Variants in YTHDC2 observed in about 807,000 individuals in gnomAD.
YTHDC2 encodes 3'-5' RNA helicase YTHDC2.
A neutral mutation model predicts 174.9 loss-of-function variants in YTHDC2; 45 were observed. That is an observed-to-expected ratio of 0.26 (90% confidence interval 0.20 to 0.33). The LOEUF is 0.33. Ranked by LOEUF, YTHDC2 falls within the 10% of genes least tolerant of loss-of-function variation. YTHDC2 has a pLI of 1.00. For synonymous variants in YTHDC2, 657 were observed against 574.5 expected (o/e 1.14, Z -2.05); for missense variants, 1,650 against 1,723.7 (o/e 0.96, Z 0.76).
chr5:113,538,729 G>A (rs934748190), intron 7 of YTHDC2, among the ~76,000 whole-genome samples: 1 of 151,972 alleles, frequency 6.6e-6, no homozygotes, highest in Non-Finnish European at 1.5e-5. Context: ...TCATATTCTG[G>A]ATTTTTGGAT....
intron 27 of YTHDC2, 119 bp downstream of exon 27, chr5:113,591,363 C>T (rs2112827304): frequency 2.0e-6 from 2 of 1,016,084 alleles, no homozygotes; most frequent in South Asian, 1.5e-5. Flanking sequence ...TTTTGCTTGA[C>T]TGAGAATAAG....
At position 113,594,123 on chromosome 5, in the gene YTHDC2, C is replaced by T. The variant is rs1450418435; in HGVS notation, c.*649C>T. 1 of 152,132 alleles carries T rather than the reference C, an allele frequency of 6.6e-6. No homozygotes were observed. Among genetic ancestry groups the T allele is most frequent in the African/African-American group, 2.4e-5 (1 of 41,426 alleles). The allele number at this position is 152,132 out of a possible 1,614,324, so 9.4% of individuals were successfully genotyped here. On this transcript the variant is annotated 3_prime_UTR_variant, in exon 30 of 30. Coordinates refer to ENST00000161863, the MANE Select transcript of YTHDC2 (RefSeq NM_022828.5). Reference sequence around the variant, plus strand: ...TCTGAATAAAGGGCAAAGTTTCTTCCTGATCAGATTAGATTAAGTGCTTAG... The same window carrying T: ...TCTGAATAAAGGGCAAAGTTTCTTCTTGATCAGATTAGATTAAGTGCTTAG...
At chr5:113,589,315 G>T (rs546714893) in intron 26 of YTHDC2, among the ~76,000 whole-genome samples, 3 of 147,080 alleles carry the variant, frequency 2.0e-5, no homozygotes, top group Non-Finnish European at 4.5e-5. Context: ...TTTATTTAGT[G>T]TCTAATCTGC....
Position 113,522,619 on chromosome 5 carries a change from T to C in YTHDC2, c.279-2362T>C, listed in dbSNP as rs1465434663. Among the ~76,000 whole-genome samples, 4 of 152,302 alleles carry C rather than the reference T, an allele frequency of 2.6e-5. No individual in the cohort carries two copies. The East Asian group carries it at 7.7e-4, about 29-fold the overall frequency. On this transcript the variant is annotated intron_variant, in intron 2 of 29. Coordinates refer to ENST00000161863, the MANE Select transcript of YTHDC2 (RefSeq NM_022828.5). ...GTTAATTTTGCTTTGTATAAAAGAT[T>C]CCTGTGTTTATCATCAAACCATAGT...
At chr5:113,543,630 C>A (rs1249902786) in intron 10 of YTHDC2, among the ~76,000 whole-genome samples, 1 of 152,212 alleles carries the variant, frequency 6.6e-6, no homozygotes, top group Admixed American at 6.5e-5. Flanking sequence ...ATTCCACTTG[C>A]TTGTTCTCAA....
At chr5:113,528,102 A>T (rs112360182) in intron 4 of YTHDC2, among the ~76,000 whole-genome samples, 1 of 152,174 alleles carries the variant, frequency 6.6e-6, no homozygotes, top group Admixed American at 6.6e-5. Context: ...TATAGAATAG[A>T]GATTATGGAA....
At chr5:113,558,969 C>G (rs1351588872) in intron 17 of YTHDC2, among the ~76,000 whole-genome samples, 1 of 150,586 alleles carries the variant, frequency 6.6e-6, no homozygotes. Context: ...TAAGAAGTTT[C>G]TCAAGTATAG....
chr5:113,553,806 C>A lies in YTHDC2; in HGVS notation c.2004C>A (p.Ser668=). The A allele has an allele frequency of 6.2e-7, 1 of 1,612,208 alleles. No individual in the cohort carries two copies. The highest frequency in any genetic ancestry group is 8.5e-7 in the Non-Finnish European group (1 of 1,179,294). The part of the protein sequence containing the change: ...VFMLHSNMQT[S]DQKKVLKNPP... Reference sequence around the variant, plus strand: ...TGCTTCATTCAAATATGCAAACATCCGATCAAAAGAAAGTATTAAAAAACC... The same window carrying A: ...TGCTTCATTCAAATATGCAAACATCAGATCAAAAGAAAGTATTAAAAAACC... Residue 668 remains serine, a synonymous_variant, in exon 15 of 30, where the codon TCC becomes TCA. Transcript: ENST00000161863.
intron 4 of YTHDC2, 40 bp downstream of exon 4, chr5:113,526,825 AAATATATAT>A: frequency 8.5e-6 from 2 of 234,284 alleles, no homozygotes; most frequent in Non-Finnish European, 1.3e-5. Context: ...AAAAAAAAAA[AAATATATAT>A]ATATATATAT....
chr5:113,546,684 T>C (rs557430336), intron 10 of YTHDC2, among the ~76,000 whole-genome samples: 1 of 152,338 alleles, frequency 6.6e-6, no homozygotes, highest in South Asian at 2.1e-4. Context: ...ATCTCCATAG[T>C]TTCTGAGAGT....
intron 2 of YTHDC2, among the ~76,000 whole-genome samples, chr5:113,521,390 A>C (rs1773848268): frequency 6.6e-6 from 1 of 152,208 alleles, no homozygotes. Context: ...GTTAGAACAG[A>C]AATATTGGAT....
intron 23 of YTHDC2, among the ~76,000 whole-genome samples, chr5:113,578,872 G>T (rs962966940): frequency 1.3e-5 from 2 of 151,952 alleles, no homozygotes; most frequent in Non-Finnish European, 2.9e-5. Flanking sequence ...TAATTTTCGT[G>T]TAGAAAATAA....
chr5:113,540,808 A>G (rs566791804), intron 8 of YTHDC2, among the ~76,000 whole-genome samples, 160 bp from the exon 9 acceptor site: 32 of 152,362 alleles, frequency 2.1e-4, no homozygotes, highest in Middle Eastern at 3.4e-3. Flanking sequence ...TCAGCATAAC[A>G]CATTTTTATT....
At chr5:113,549,941 TATG>T (rs1250260635) in intron 12 of YTHDC2, among the ~76,000 whole-genome samples, 5 of 144,320 alleles carry the variant, frequency 3.5e-5, no homozygotes, top group African/African-American at 1.3e-4. Context: ...AAATTAAAAA[TATG>T]ATAGCAGAAA....
chr5:113,552,160 T>G (rs1387870505), intron 12 of YTHDC2, among the ~76,000 whole-genome samples: 1 of 152,038 alleles, frequency 6.6e-6, no homozygotes. Context: ...AAGTTTGTGG[T>G]TTTTAACAGT....
At chr5:113,561,562 G>A (rs1019771914) in intron 18 of YTHDC2, among the ~76,000 whole-genome samples, 2 of 150,554 alleles carry the variant, frequency 1.3e-5, no homozygotes, top group Admixed American at 6.6e-5. Flanking sequence ...TCCACCTCCC[G>A]GGTTCAAGCG....
In YTHDC2 at chr5:113,567,103, G is replaced by A; in HGVS notation, c.2854G>A (p.Ala952Thr). Residue 952 changes from alanine (A) to threonine (T), a missense_variant, in exon 22 of 30, where the codon GCA becomes ACA. By Grantham distance (58) the Ala-to-Thr change is moderately conservative (BLOSUM62 0). Transcript: ENST00000161863. ...GQLRASGFVR[A>T]RGGGDIRDVN... ...TTTTTCCCCTCTAGGTTTTGTTAGA[G>A]CACGAGGTGGTGGTGACATTCGGGA... is the stretch of plus-strand genomic sequence containing the variant. 1 of 1,613,440 alleles carries A rather than the reference G, an allele frequency of 6.2e-7. No individual in the cohort carries two copies. The highest frequency in any genetic ancestry group is 8.5e-7 in the Non-Finnish European group (1 of 1,179,700).
At chr5:113,575,030 C>G (rs1777956482) in intron 23 of YTHDC2, among the ~76,000 whole-genome samples, 1 of 151,458 alleles carries the variant, frequency 6.6e-6, no homozygotes, top group African/African-American at 2.4e-5. Context: ...CCTTCACCTA[C>G]TTTTCTTCAT....
At chr5:113,522,230 C>T (rs939109802) in intron 2 of YTHDC2, among the ~76,000 whole-genome samples, 2 of 148,998 alleles carry the variant, frequency 1.3e-5, no homozygotes, top group Admixed American at 1.4e-4. Context: ...GAGATTTGGG[C>T]TCTTCAGCTG....
Sources: allele counts gnomAD v4.1 joint callset (sites outside exome capture counted in the v4.1 genomes callset), GRCh38; gene constraint gnomAD v4.1.1; transcripts MANE v1.5; gene names NCBI Gene and HGNC (gene_info 2026-07-23, HGNC 2026-07-21).